TJP1: variants seen among roughly 807,000 people sequenced by gnomAD.
TJP1 encodes tight junction protein 1.
TJP1 carries 43 observed loss-of-function variants against 194.2 expected under a neutral mutation model. The ratio of observed to expected loss-of-function variants is 0.22; its 90% confidence interval spans 0.17 to 0.29. The LOEUF is 0.29. Among genes scored for constraint, TJP1 ranks in the 10% least tolerant of loss-of-function variants. TJP1 has a pLI of 1.00. For missense variants in TJP1, 1,971 were observed against 2,185.7 expected, an observed-to-expected ratio of 0.90 and a Z score of 1.96; for synonymous variants, 801 against 779.0, an observed-to-expected ratio of 1.03 and a Z score of -0.47.
intron 2 of TJP1, among the ~76,000 whole-genome samples, chr15:29,852,628 G>C (rs534542212): frequency 3.1e-4 from 47 of 152,116 alleles, no homozygotes; most frequent in Admixed American, 5.9e-4. Context: ...AAAAACTTAG[G>C]GCCGGGCATG....
intron 2 of TJP1, among the ~76,000 whole-genome samples, chr15:29,782,710 T>C (rs148077728): frequency 6.6e-6 from 1 of 151,744 alleles, no homozygotes; most frequent in African/African-American, 2.4e-5. Context: ...CTAATTAAAC[T>C]AAAGAGCTTC....
Position 29,822,447 on chromosome 15 carries a change from G to A in TJP1, c.-419C>T, listed in dbSNP as rs1311099414. 3.0e-6 allele frequency: 3 copies of A among 986,850 alleles called. No individual in the cohort carries two copies. The highest frequency in any genetic ancestry group is 3.6e-6 in the Non-Finnish European group (3 of 831,120). 61.1% of individuals were successfully genotyped at this position (986,850 alleles called of 1,614,324 possible). On this transcript the variant is annotated 5_prime_UTR_variant, in exon 1 of 28. Coordinates refer to ENST00000614355, the MANE Select transcript of TJP1 (RefSeq NM_001330239.4). ...AACGCGGCGTCCGCTGGCTCAGCCG[G>A]CGCCGGCAACTCAGCGGCCACGCAA...
intron 10 of TJP1, among the ~76,000 whole-genome samples, chr15:29,740,257 A>G (rs564513360): frequency 3.4e-4 from 52 of 151,932 alleles, no homozygotes; most frequent in South Asian, 6.3e-4. Context: ...TTACAGGCAT[A>G]AGCCACTGCG....
rs370121841 is a variant in TJP1, at chr15:29,812,995, T to C, written c.27+9007A>G. Among the ~76,000 whole-genome samples the C allele has an allele frequency of 2.0e-5, 3 of 152,036 alleles. No individual in the cohort carries two copies. The South Asian group carries it at 6.2e-4, about 32-fold the overall frequency. Reference sequence around the variant, plus strand: ...ATTAATACTCCAATAACTGCCACTGTTAGAAAAAAAAAATCAGTAAATAAA... The same window carrying C: ...ATTAATACTCCAATAACTGCCACTGCTAGAAAAAAAAAATCAGTAAATAAA... On this transcript the variant is annotated intron_variant, in intron 1 of 27. Coordinates refer to ENST00000614355, the MANE Select transcript of TJP1 (RefSeq NM_001330239.4).
At chr15:29,709,185 G>A (rs1250296277) in intron 24 of TJP1, 149 bp from the exon 25 acceptor site, 11 of 696,770 alleles carry the variant, frequency 1.6e-5, no homozygotes, top group Non-Finnish European at 2.6e-5. Flanking sequence ...GGCTAGGTGT[G>A]ATGCTGAGGG....
At chr15:29,862,647 CTTT>C (rs11305773) in intron 2 of TJP1, among the ~76,000 whole-genome samples, 17 of 101,270 alleles carry the variant, frequency 1.7e-4, no homozygotes, top group Non-Finnish European at 2.5e-4. Flanking sequence ...TTTTTCTTTT[CTTT>C]TTTTTTTTTT....
In TJP1 at chr15:29,902,940, A is replaced by C. The variant is rs190375075; in HGVS notation, c.306+53292T>G. On this transcript the variant is annotated intron_variant, in intron 2 of 28. Transcript: ENST00000356107. The stretch of plus-strand genomic sequence containing the variant: ...TCCCAGCTACTCGGGAAGCTGAGGC[A>C]GGAGAATCGCTTGAACCTGGAAGGC... Among the ~76,000 whole-genome samples the C allele has an allele frequency of 9.2e-5, 14 of 152,202 alleles. No homozygotes were observed. The East Asian group carries it at 2.7e-3, about 29-fold the overall frequency.
chr15:29,858,873 T>C (rs1327721806), intron 2 of TJP1, among the ~76,000 whole-genome samples: 1 of 152,030 alleles, frequency 6.6e-6, no homozygotes, highest in Admixed American at 6.6e-5. Flanking sequence ...TTTGTATATT[T>C]TTTGTTTTTT....
chr15:29,741,681 G>A (rs536925327), intron 9 of TJP1, among the ~76,000 whole-genome samples: 2 of 152,104 alleles, frequency 1.3e-5, no homozygotes, highest in South Asian at 4.1e-4. Context: ...CTTTAAGAAC[G>A]AATAACAAAA....
intron 26 of TJP1, among the ~76,000 whole-genome samples, chr15:29,705,129 G>A (rs1318786809): frequency 1.3e-5 from 2 of 152,222 alleles, no homozygotes; most frequent in Admixed American, 1.3e-4. Flanking sequence ...GACAGTACCT[G>A]TCAAGAGGTT....
chr15:29,753,704 A>G (rs1471855653), intron 8 of TJP1, among the ~76,000 whole-genome samples: 1 of 151,946 alleles, frequency 6.6e-6, no homozygotes, highest in African/African-American at 2.4e-5. Context: ...GGTGTAAGGT[A>G]CAGGAGCCAT....
chr15:29,717,330 G>A (rs1450452037), intron 22 of TJP1, among the ~76,000 whole-genome samples: 1 of 152,224 alleles, frequency 6.6e-6, no homozygotes, highest in Non-Finnish European at 1.5e-5. Context: ...AAGAAAGCAA[G>A]TCATTAAGTA....
chr15:29,962,508 T>C (rs59713052), intron 1 of TJP1, among the ~76,000 whole-genome samples: 62,725 of 152,070 alleles, frequency 0.41, 13,326 homozygotes, highest in South Asian at 0.51. Context: ...ACAAGATATT[T>C]GTTTTAAGAT....
intron 2 of TJP1, among the ~76,000 whole-genome samples, chr15:29,910,021 T>C (rs538451134): frequency 1.3e-5 from 2 of 152,338 alleles, no homozygotes; most frequent in South Asian, 2.1e-4. Flanking sequence ...CGTATCTGCA[T>C]TGAAATCAGA....
chr15:29,780,102 C>A (rs906670168), intron 2 of TJP1, among the ~76,000 whole-genome samples: 1 of 152,012 alleles, frequency 6.6e-6, no homozygotes, highest in Non-Finnish European at 1.5e-5. Context: ...GGATTGGTTT[C>A]TTTGAAGACA....
At position 29,718,049 on chromosome 15, in the gene TJP1, A is replaced by C; in HGVS notation, c.3946T>G (p.Phe1316Val). ...TACAGAGTTTTGTCATGTTCACTGA[A>C]TTGATTCTGAGAAGTGGGTTTGGGA... The part of the protein sequence containing the change: ...IGPKPTSQNQ[F>V]SEHDKTLYRI... The change falls in exon 22 of 28, where the codon TTC becomes GTC. Residue 1316 changes from phenylalanine (F) to valine (V), a missense_variant. Around this residue, in one of 5 missense-constraint regions of TJP1, gnomAD observed 1,108 missense variants for 1,128.5 expected, o/e 0.98. Transcript: ENST00000614355. 6.2e-7 allele frequency: 1 copy of C among 1,613,302 alleles called. No individual in the cohort carries two copies. Among genetic ancestry groups the C allele is most frequent in the East Asian group, 2.2e-5 (1 of 44,780 alleles).
At chr15:29,706,433 G>A (rs545950785) in intron 25 of TJP1, among the ~76,000 whole-genome samples, 1 of 152,004 alleles carries the variant, frequency 6.6e-6, no homozygotes, top group South Asian at 2.1e-4. Flanking sequence ...TCCAAAATCG[G>A]AAACTTTTTT....
intron 2 of TJP1, among the ~76,000 whole-genome samples, chr15:29,955,891 A>C (rs2152313671): frequency 6.6e-6 from 1 of 152,040 alleles, no homozygotes; most frequent in Admixed American, 6.6e-5. Flanking sequence ...GGTTAATCAG[A>C]CACTTAAGTC....
At chr15:29,711,036 A>T (rs2042212544) in intron 23 of TJP1, 36 bp from the exon 24 acceptor site, 1 of 1,533,032 alleles carries the variant, frequency 6.5e-7, no homozygotes, top group African/African-American at 1.4e-5. Context: ...ACACCTGAAA[A>T]TGGACTCACA....
Sources: allele counts gnomAD v4.1 joint callset (sites outside exome capture counted in the v4.1 genomes callset), GRCh38; gene constraint gnomAD v4.1.1; regional missense constraint gnomAD v4.1.1; transcripts MANE v1.5; gene names NCBI Gene and HGNC (gene_info 2026-07-23, HGNC 2026-07-21).